The following RPS6KC1 variants were observed in gnomAD, a reference collection of about 807,000 sequenced individuals.
The protein encoded by RPS6KC1 is ribosomal protein S6 kinase C1.
A neutral mutation model predicts 103.8 loss-of-function variants in RPS6KC1; 54 were observed. That is an observed-to-expected ratio of 0.52 (90% CI 0.42 to 0.65). RPS6KC1 has a LOEUF of 0.65. RPS6KC1 is among the 30% of genes least tolerant of loss of function. RPS6KC1 has a pLI of 0.00. For missense variants in RPS6KC1, 1,151 were observed against 1,253.8 expected, an observed-to-expected ratio of 0.92 and a Z score of 1.24; for synonymous variants, 439 against 438.7, an observed-to-expected ratio of 1.00 and a Z score of -0.01.
chr1:213,400,505 G>C, the RPS6KC1 span, among the ~76,000 whole-genome samples: 1 of 151,988 alleles, frequency 6.6e-6, no homozygotes, highest in African/African-American at 2.4e-5. Context: ...TGTTTCCCTA[G>C]TTCTCTTCCC....
chr1:213,608,539 C>T, the RPS6KC1 span, among the ~76,000 whole-genome samples: 1 of 152,110 alleles, frequency 6.6e-6, no homozygotes, highest in South Asian at 2.1e-4. Context: ...ACCAGGCTAT[C>T]GCTTCCTCGT....
At chr1:213,457,815 G>C in the RPS6KC1 span, among the ~76,000 whole-genome samples, 8 of 152,168 alleles carry the variant, frequency 5.3e-5, no homozygotes, top group Non-Finnish European at 1.2e-4. Flanking sequence ...ATACACAAAA[G>C]ACACAGTCTG....
the RPS6KC1 span, among the ~76,000 whole-genome samples, chr1:213,764,493 G>A: frequency 5.3e-5 from 8 of 152,150 alleles, no homozygotes; most frequent in Admixed American, 1.3e-4. Flanking sequence ...ATACAGGTGA[G>A]ATGAAGTTCA....
the RPS6KC1 span, among the ~76,000 whole-genome samples, chr1:213,721,020 C>T: frequency 6.6e-6 from 1 of 152,174 alleles, no homozygotes. Flanking sequence ...TGAGCAGGTC[C>T]TCATAACGGT....
chr1:213,854,567 TC>T, the RPS6KC1 span, among the ~76,000 whole-genome samples: 107 of 135,722 alleles, frequency 7.9e-4, no homozygotes, highest in African/African-American at 3.0e-3. Flanking sequence ...TTTCTTTCTC[TC>T]TCTCTCTCTC....
At chr1:213,374,890 G>A in the RPS6KC1 span, among the ~76,000 whole-genome samples, 30 of 152,184 alleles carry the variant, frequency 2.0e-4, no homozygotes, top group Non-Finnish European at 2.6e-4. Flanking sequence ...CGTGTGTGAT[G>A]GGGAGGGAAA....
chr1:213,080,041 A>G (rs955488633), intron 3 of RPS6KC1, among the ~76,000 whole-genome samples: 1 of 149,704 alleles, frequency 6.7e-6, no homozygotes, highest in Non-Finnish European at 1.5e-5. Context: ...CTCAGCCTCC[A>G]GAGTAGCTGG....
the RPS6KC1 span, among the ~76,000 whole-genome samples, chr1:213,568,986 G>A: frequency 1.1e-3 from 161 of 152,312 alleles, 2 homozygotes; most frequent in African/African-American, 3.7e-3. Context: ...AGAGATCCAG[G>A]GAAGTGGGAA....
chr1:213,515,099 G>A, the RPS6KC1 span, among the ~76,000 whole-genome samples: 11 of 149,798 alleles, frequency 7.3e-5, no homozygotes, highest in Non-Finnish European at 1.6e-4. Context: ...TTGTAAATTT[G>A]TTTGAGTTCA....
chr1:213,620,040 G>C, the RPS6KC1 span, among the ~76,000 whole-genome samples: 2 of 152,158 alleles, frequency 1.3e-5, no homozygotes, highest in Non-Finnish European at 2.9e-5. Flanking sequence ...ATAGCCGTAC[G>C]TAAGTAGAAG....
chr1:213,703,412 C>A, the RPS6KC1 span, among the ~76,000 whole-genome samples: 11 of 152,260 alleles, frequency 7.2e-5, no homozygotes, highest in Admixed American at 2.6e-4. Flanking sequence ...TTATAACATT[C>A]TATTTTTTCT....
the RPS6KC1 span, among the ~76,000 whole-genome samples, chr1:213,632,505 A>C: frequency 1.3e-5 from 2 of 152,246 alleles, no homozygotes; most frequent in African/African-American, 4.8e-5. Context: ...ATCAACATCA[A>C]CAAAAAGGAC....
the RPS6KC1 span, among the ~76,000 whole-genome samples, chr1:213,722,807 AAAGAG>A: frequency 1.3e-5 from 2 of 152,184 alleles, no homozygotes; most frequent in African/African-American, 2.4e-5. Flanking sequence ...TCGAGTAAAG[AAAGAG>A]AAGAGTTATG....
chr1:213,855,394 T>A, the RPS6KC1 span, among the ~76,000 whole-genome samples: 7 of 152,226 alleles, frequency 4.6e-5, no homozygotes, highest in African/African-American at 1.7e-4. Context: ...GAAGTTCTTT[T>A]GCTAGGCTGA....
chr1:213,552,633 C>T, the RPS6KC1 span, among the ~76,000 whole-genome samples: 1 of 152,032 alleles, frequency 6.6e-6, no homozygotes, highest in African/African-American at 2.4e-5. Context: ...TCTCCCAGGC[C>T]GTGGCTTGTT....
the RPS6KC1 span, among the ~76,000 whole-genome samples, chr1:213,455,533 A>T: frequency 6.6e-6 from 1 of 152,190 alleles, no homozygotes; most frequent in African/African-American, 2.4e-5. Flanking sequence ...TCAAATAAGC[A>T]GTTGAGTGGA....
At chr1:213,525,003 C>T in the RPS6KC1 span, among the ~76,000 whole-genome samples, 3 of 152,166 alleles carry the variant, frequency 2.0e-5, no homozygotes, top group African/African-American at 7.2e-5. Context: ...TCCTATCCTA[C>T]AGAGTCGTTA....
the RPS6KC1 span, among the ~76,000 whole-genome samples, chr1:213,321,471 A>C: frequency 6.6e-6 from 1 of 152,200 alleles, no homozygotes; most frequent in African/African-American, 2.4e-5. Flanking sequence ...GCATGATTGT[A>C]GTTCTTATTA....
At chr1:213,585,483 G>T in the RPS6KC1 span, among the ~76,000 whole-genome samples, 521 of 152,270 alleles carry the variant, frequency 3.4e-3, 6 homozygotes, top group African/African-American at 0.012. Flanking sequence ...AGAGCTTATT[G>T]CTACTTGTCA....
Sources: gnomAD v4.1 joint callset for allele counts (sites outside exome capture counted in the v4.1 genomes callset) on GRCh38, gnomAD v4.1.1 for gene constraint, MANE v1.5 for transcripts, NCBI Gene and HGNC (gene_info 2026-07-23, HGNC 2026-07-21) for gene names.